CDKAL1: variants seen among roughly 807,000 people sequenced by gnomAD.
The protein encoded by CDKAL1 is CDKAL1 threonylcarbamoyladenosine tRNA methylthiotransferase, also known as threonylcarbamoyladenosine tRNA methylthiotransferase.
CDKAL1 carries 32 observed loss-of-function variants against 68.2 expected under a neutral mutation model. The ratio of observed to expected loss-of-function variants is 0.47; its 90% CI spans 0.35 to 0.63. The LOEUF (loss-of-function observed/expected upper bound fraction) is 0.63. Ranked by LOEUF, CDKAL1 falls within the 30% of genes least tolerant of loss-of-function variation. The pLI is 0.00. For missense variants in CDKAL1, 606 were observed against 696.7 expected, an observed-to-expected ratio of 0.87 and a Z score of 1.47; for synonymous variants, 234 against 244.3, an observed-to-expected ratio of 0.96 and a Z score of 0.39.
rs1005564258 is a variant in CDKAL1, at chr6:20,645,027, C to T, written c.287-4266C>T. Among the ~76,000 whole-genome samples, 32 of 152,094 alleles carry T rather than the reference C, an allele frequency of 2.1e-4. 1 individual carries two copies. Among genetic ancestry groups the T allele is most frequent in the Admixed American group, 1.5e-3 (23 of 15,258 alleles). On this transcript the variant is annotated intron_variant, in intron 4 of 15. Transcript: ENST00000274695. ...TACAGCATATTGCCGTATTGAATACCGTAGGCACTGCAGAGCATCTAAACT... is the reference window on the plus strand; with the variant it reads ...TACAGCATATTGCCGTATTGAATACTGTAGGCACTGCAGAGCATCTAAACT...
intron 9 of CDKAL1, among the ~76,000 whole-genome samples, chr6:20,932,016 T>C (rs1457264645): frequency 1.3e-5 from 2 of 152,216 alleles, no homozygotes; most frequent in Non-Finnish European, 2.9e-5. Flanking sequence ...TATCATATGC[T>C]TATCTCTCCC....
At chr6:20,735,592 A>G (rs1355548376) in intron 5 of CDKAL1, among the ~76,000 whole-genome samples, 1 of 152,206 alleles carries the variant, frequency 6.6e-6, no homozygotes, top group Non-Finnish European at 1.5e-5. Context: ...GACACAGCCA[A>G]ACCATATCAA....
In CDKAL1 at chr6:21,099,576, C is replaced by T. The variant is rs181439522; in HGVS notation, c.1237-8825C>T. Among the ~76,000 whole-genome samples the T allele has an allele frequency of 7.3e-3, 1,118 of 152,138 alleles. 21 individuals are homozygous for T. The highest frequency in any genetic ancestry group is 5.4e-3 in the Non-Finnish European group (367 of 68,008). On this transcript the variant is annotated intron_variant, in intron 12 of 15. Transcript: ENST00000274695. ...GACACAGGTAGTCCAGGAAAGAAAA[C>T]AATAATAATCCAGATAAGAGGTAAA...
chr6:21,020,036 G>C (rs1427657542), intron 11 of CDKAL1, among the ~76,000 whole-genome samples: 1 of 151,908 alleles, frequency 6.6e-6, no homozygotes, highest in Non-Finnish European at 1.5e-5. Flanking sequence ...TAGAAGCTGT[G>C]GTGCTAACCC....
intron 8 of CDKAL1, among the ~76,000 whole-genome samples, chr6:20,827,025 CA>C (rs1322017168): frequency 1.3e-5 from 2 of 152,146 alleles, no homozygotes; most frequent in African/African-American, 4.8e-5. Flanking sequence ...TAAAAACAAA[CA>C]AAACCAACAA....
At chr6:20,581,310 A>G (rs968370176) in intron 4 of CDKAL1, among the ~76,000 whole-genome samples, 2 of 152,154 alleles carry the variant, frequency 1.3e-5, no homozygotes, top group East Asian at 3.9e-4. Context: ...TTTCAATTTC[A>G]TAAGAGTCAT....
chr6:20,829,486 T>G (rs146709547), intron 8 of CDKAL1, among the ~76,000 whole-genome samples: 1,581 of 152,330 alleles, frequency 0.01, 14 homozygotes, highest in South Asian at 0.021. Context: ...GCCTATTTAC[T>G]TGCTTCCTCA....
At chr6:20,556,953 G>A (rs1430780432) in intron 4 of CDKAL1, among the ~76,000 whole-genome samples, 1 of 151,594 alleles carries the variant, frequency 6.6e-6, no homozygotes, top group Non-Finnish European at 1.5e-5. Flanking sequence ...CAGGAGAATG[G>A]CGTGAACCTG....
intron 11 of CDKAL1, among the ~76,000 whole-genome samples, chr6:21,052,343 C>T (rs549088676): frequency 3.4e-4 from 51 of 151,852 alleles, no homozygotes; most frequent in Admixed American, 1.2e-3. Context: ...CTGTTTGTCC[C>T]GATTTGTCTA....
Position 21,097,548 on chromosome 6 carries a change from G to T in CDKAL1, c.1237-10853G>T, listed in dbSNP as rs191924635. On this transcript the variant is annotated intron_variant, in intron 12 of 15. Transcript: ENST00000274695. ...TGTATATATGGACAGCAAATCAGTT[G>T]TCTGGCTACATTCTGGACTGCAATT... 2.0e-5 allele frequency among the ~76,000 whole-genome samples: 3 copies of T among 150,302 alleles called. No homozygotes were observed. The East Asian group carries it at 5.8e-4, about 29-fold the overall frequency.
intron 11 of CDKAL1, among the ~76,000 whole-genome samples, chr6:21,052,132 T>C (rs1019797440): frequency 2.6e-5 from 4 of 152,222 alleles, no homozygotes; most frequent in Admixed American, 2.6e-4. Context: ...AGAATAAATT[T>C]AGAGATGCTG....
At chr6:20,714,415 A>C (rs1338400987) in intron 5 of CDKAL1, among the ~76,000 whole-genome samples, 2 of 120,640 alleles carry the variant, frequency 1.7e-5, no homozygotes, top group Non-Finnish European at 3.3e-5. Context: ...TTGAGACAGA[A>C]TCTCACTCTG....
At chr6:20,683,517 A>T (rs1770478729) in intron 5 of CDKAL1, among the ~76,000 whole-genome samples, 1 of 152,228 alleles carries the variant, frequency 6.6e-6, no homozygotes, top group African/African-American at 2.4e-5. Flanking sequence ...TAACAAAATG[A>T]TTCTTTTATT....
rs1166293725 is a variant in CDKAL1, at chr6:21,135,748, G to A, written c.1299+27285G>A. The stretch of plus-strand genomic sequence containing the variant: ...TATTCTAAACCAAACCATTTCATTC[G>A]CTCAGGAAGGCAGTGCCAGAAAGAC... On this transcript the variant is annotated intron_variant, in intron 13 of 15. Coordinates refer to ENST00000274695, the MANE Select transcript of CDKAL1 (RefSeq NM_017774.3). The A allele has an allele frequency of 1.0e-5, 10 of 968,918 alleles. No homozygotes were observed. The South Asian group carries it at 1.9e-4, about 18-fold the overall frequency. 60.0% of individuals were successfully genotyped at this position (968,918 alleles called of 1,614,324 possible). A position where few individuals can be genotyped will look rare whatever the true frequency, so the allele number is the denominator to read the frequency against.
intron 15 of CDKAL1, among the ~76,000 whole-genome samples, chr6:21,210,603 C>T (rs150731075): frequency 1.6e-4 from 24 of 152,044 alleles, no homozygotes; most frequent in African/African-American, 4.6e-4. Flanking sequence ...TTACAGTCAC[C>T]GAAACGAACT....
At chr6:21,046,127 T>A (rs978390397) in intron 11 of CDKAL1, among the ~76,000 whole-genome samples, 1 of 152,230 alleles carries the variant, frequency 6.6e-6, no homozygotes, top group Non-Finnish European at 1.5e-5. Context: ...GAGGATTAAA[T>A]GAGTTGATAT....
chr6:20,813,967 CT>C (rs752839529), intron 8 of CDKAL1, among the ~76,000 whole-genome samples: 1 of 151,890 alleles, frequency 6.6e-6, no homozygotes, highest in East Asian at 1.9e-4. Context: ...AAAAATGCCT[CT>C]TTTATTATTG....
intron 9 of CDKAL1, among the ~76,000 whole-genome samples, chr6:20,897,431 G>A (rs62398111): frequency 0.17 from 26,535 of 151,818 alleles, 2,727 homozygotes; most frequent in East Asian, 0.33. Context: ...CAATCCTGCC[G>A]CAAGCCAGAG....
At chr6:20,848,801 T>C (rs1307496931) in intron 9 of CDKAL1, among the ~76,000 whole-genome samples, 1 of 151,680 alleles carries the variant, frequency 6.6e-6, no homozygotes, top group East Asian at 1.9e-4. Context: ...TTCTTTTTTT[T>C]TTTTTTGGTG....
Sources: gnomAD v4.1 joint callset for allele counts (sites outside exome capture counted in the v4.1 genomes callset) on GRCh38, gnomAD v4.1.1 for gene constraint, MANE v1.5 for transcripts, NCBI Gene and HGNC (gene_info 2026-07-23, HGNC 2026-07-21) for gene names.